Variants in PRDM2 observed in about 807,000 individuals in gnomAD.
PRDM2 encodes the protein PR/SET domain 2, also known as PR domain zinc finger protein 2.
A neutral mutation model predicts 130.0 loss-of-function variants in PRDM2; 30 were observed. That is an observed-to-expected ratio of 0.23 (90% CI 0.17 to 0.31). The LOEUF (loss-of-function observed/expected upper bound fraction) is 0.31, where lower values mean the gene tolerates loss of function less well. Ranked by LOEUF, PRDM2 falls within the 10% of genes least tolerant of loss-of-function variation. PRDM2 has a pLI of 1.00. For synonymous variants in PRDM2, 871 were observed against 782.4 expected, an observed-to-expected ratio of 1.11 and a Z score of -1.89; for missense variants, 2,011 against 2,108.4, an observed-to-expected ratio of 0.95 and a Z score of 0.90.
intron 1 of PRDM2, among the ~76,000 whole-genome samples, chr1:13,706,011 C>T (rs948589011): frequency 1.1e-4 from 16 of 149,734 alleles, no homozygotes; most frequent in African/African-American, 3.7e-4. Flanking sequence ...AAAAATGGAG[C>T]TCACCACCTT....
At chr1:13,786,089 C>T (rs532941346) in intron 8 of PRDM2, among the ~76,000 whole-genome samples, 67 of 152,176 alleles carry the variant, frequency 4.4e-4, no homozygotes, top group Non-Finnish European at 7.1e-4. Context: ...CCGCCCGTCT[C>T]GGCCTCCTGC....
chr1:13,738,404 T>C (rs1284052055), intron 4 of PRDM2, among the ~76,000 whole-genome samples: 2 of 152,218 alleles, frequency 1.3e-5, no homozygotes, highest in Non-Finnish European at 2.9e-5. Flanking sequence ...ATAAATTATT[T>C]GTCCAGTGGC....
chr1:13,701,691 G>A (rs1642078649), intron 1 of PRDM2, among the ~76,000 whole-genome samples: 1 of 152,122 alleles, frequency 6.6e-6, no homozygotes, highest in African/African-American at 2.4e-5. Context: ...CTCATTTCGA[G>A]CTATGGAAAC....
rs1473057716 is a variant in PRDM2 at position 13,778,691 on chromosome 1, T to C, written c.896T>C (p.Met299Thr). The C allele has an allele frequency of 8.7e-6, 14 of 1,614,032 alleles. No homozygotes were observed. Among genetic ancestry groups the C allele is most frequent in the Non-Finnish European group, 1.2e-5 (14 of 1,180,050 alleles). The change falls in exon 8 of 10, where the codon ATG becomes ACG. Residue 299 changes from methionine (M) to threonine (T), a missense_variant. This residue lies in a region of PRDM2 where 1,288 missense variants were observed against 1,237.7 expected (regional missense o/e 1.04). Transcript: ENST00000311066. The part of the protein sequence containing the change: ...LEDEGEEEAS[M>T]PNENSVKEPE... Reference sequence around the variant, plus strand: ...GACGAGGGGGAAGAAGAAGCCAGCATGCCAAATGAAAATTCTGTGAAAGAG... The same window carrying C: ...GACGAGGGGGAAGAAGAAGCCAGCACGCCAAATGAAAATTCTGTGAAAGAG...
chr1:13,764,625 C>T (rs575718155), intron 6 of PRDM2, among the ~76,000 whole-genome samples: 3 of 152,384 alleles, frequency 2.0e-5, no homozygotes, highest in African/African-American at 7.2e-5. Flanking sequence ...TTGCTATTCT[C>T]CTATCAGCCT....
At position 13,778,814 on chromosome 1, in the gene PRDM2, C is replaced by G. The variant is rs1338773667; in HGVS notation, c.1019C>G (p.Ala340Gly). The change falls in exon 8 of 10, where the codon GCC becomes GGC. Residue 340 changes from alanine to glycine, a missense_variant. Ala to Gly is a moderately conservative substitution (Grantham distance 60). Transcript: ENST00000311066. ...TLEDCSEVTP[A>G]MQIPRTKEEA... ...GAAGACTGCTCAGAGGTAACACCTG[C>G]CATGCAAATCCCCAGAACTAAAGAA... is the stretch of plus-strand genomic sequence containing the variant. 2.5e-6 allele frequency: 4 copies of G among 1,613,992 alleles called. No homozygotes were observed. Among genetic ancestry groups the G allele is most frequent in the Non-Finnish European group, 3.4e-6 (4 of 1,180,032 alleles).
intron 8 of PRDM2, among the ~76,000 whole-genome samples, chr1:13,793,910 C>T (rs913953619): frequency 1.3e-5 from 2 of 152,146 alleles, no homozygotes; most frequent in African/African-American, 4.8e-5. Context: ...GGCTGCAGGT[C>T]GGACAAGCTT....
At chr1:13,810,950 C>T (rs1233624946) in intron 8 of PRDM2, among the ~76,000 whole-genome samples, 1 of 151,212 alleles carries the variant, frequency 6.6e-6, no homozygotes, top group East Asian at 2.0e-4. Context: ...TTTGGGAGGC[C>T]GAGGTGGGTG....
intron 5 of PRDM2, among the ~76,000 whole-genome samples, chr1:13,744,324 G>T (rs944304272): frequency 1.3e-5 from 2 of 152,172 alleles, no homozygotes; most frequent in Non-Finnish European, 2.9e-5. Context: ...CCTTCTGTGT[G>T]CCTCAATTCC....
chr1:13,750,317 T>G (rs1440708929), intron 6 of PRDM2, among the ~76,000 whole-genome samples: 2 of 152,042 alleles, frequency 1.3e-5, no homozygotes, highest in African/African-American at 4.8e-5. Flanking sequence ...GATCCCAGTT[T>G]GAAAATATGC....
chr1:13,722,478 G>A (rs1642761127), intron 2 of PRDM2, among the ~76,000 whole-genome samples: 1 of 152,116 alleles, frequency 6.6e-6, no homozygotes, highest in Non-Finnish European at 1.5e-5. Flanking sequence ...GAGTAAAATG[G>A]GGATTTTTCT....
At chr1:13,729,352 G>A (rs766374993) in intron 2 of PRDM2, among the ~76,000 whole-genome samples, 3 of 152,252 alleles carry the variant, frequency 2.0e-5, no homozygotes, top group Non-Finnish European at 2.9e-5. Flanking sequence ...CAGCTGAGAC[G>A]GAAGAAGAAA....
chr1:13,713,629 G>A (rs1047833328), intron 1 of PRDM2, among the ~76,000 whole-genome samples: 10 of 152,148 alleles, frequency 6.6e-5, no homozygotes, highest in Admixed American at 2.6e-4. Flanking sequence ...GCATTTTACC[G>A]CAGATGTTTT....
chr1:13,794,639 A>C (rs2100714972), intron 8 of PRDM2, among the ~76,000 whole-genome samples: 1 of 152,330 alleles, frequency 6.6e-6, no homozygotes, highest in Admixed American at 6.5e-5. Flanking sequence ...AGACAACTTT[A>C]GAGCAGCCTG....
intron 6 of PRDM2, among the ~76,000 whole-genome samples, chr1:13,768,716 T>C (rs1255129343): frequency 4.6e-5 from 7 of 152,190 alleles, no homozygotes; most frequent in Admixed American, 3.9e-4. Context: ...ACAGCTACTG[T>C]AGTCGTGTGT....
intron 8 of PRDM2, among the ~76,000 whole-genome samples, chr1:13,814,579 G>C (rs374251516): frequency 5.9e-5 from 9 of 152,282 alleles, no homozygotes; most frequent in African/African-American, 2.2e-4. Context: ...GGCCTGTCCT[G>C]GGCACTGTAG....
chr1:13,762,224 A>G (rs1644115943), intron 6 of PRDM2, among the ~76,000 whole-genome samples: 2 of 152,256 alleles, frequency 1.3e-5, no homozygotes, highest in South Asian at 2.1e-4. Context: ...GCTGGTTCCC[A>G]TCTGCCTCGA....
At chr1:13,711,305 CT>C (rs1642363585) in intron 1 of PRDM2, among the ~76,000 whole-genome samples, 1 of 152,318 alleles carries the variant, frequency 6.6e-6, no homozygotes, top group African/African-American at 2.4e-5. Context: ...TGCCATGGCA[CT>C]TCCACGGGGG....
At chr1:13,762,407 C>T (rs532027768) in intron 6 of PRDM2, among the ~76,000 whole-genome samples, 1 of 152,354 alleles carries the variant, frequency 6.6e-6, no homozygotes, top group South Asian at 2.1e-4. Context: ...CCCACTGTCT[C>T]GCCTCAGTTA....
Sources: allele counts gnomAD v4.1 joint callset (sites outside exome capture counted in the v4.1 genomes callset), GRCh38; gene constraint gnomAD v4.1.1; regional missense constraint gnomAD v4.1.1; transcripts MANE v1.5; gene names NCBI Gene and HGNC (gene_info 2026-07-23, HGNC 2026-07-21).